TRAPPC9: variants seen among roughly 807,000 people sequenced by gnomAD.
TRAPPC9 encodes trafficking protein particle complex subunit 9.
Under a neutral mutation model 124.0 loss-of-function variants are expected in TRAPPC9, and 83 were observed. The ratio of observed to expected loss-of-function variants is 0.67; its 90% confidence interval spans 0.56 to 0.80. TRAPPC9 has a LOEUF of 0.80. Among genes scored for constraint, TRAPPC9 ranks in the 30% least tolerant of loss-of-function variants. The probability of loss-of-function intolerance (pLI) is 0.00; values close to 1 mark genes in which losing one functional copy is unlikely to be tolerated. For synonymous variants in TRAPPC9, 638 were observed against 617.5 expected (o/e 1.03, Z -0.49); for missense variants, 1,302 against 1,508.3 (o/e 0.86, Z 2.27).
At chr8:140,075,280 A>C (rs1843437853) in intron 17 of TRAPPC9, among the ~76,000 whole-genome samples, 1 of 152,230 alleles carries the variant, frequency 6.6e-6, no homozygotes, top group Admixed American at 6.5e-5. Flanking sequence ...TTCACAGAGA[A>C]ACTATGTTTT....
chr8:140,315,312 T>C (rs2066415252), intron 9 of TRAPPC9, among the ~76,000 whole-genome samples: 1 of 150,722 alleles, frequency 6.6e-6, no homozygotes, highest in Non-Finnish European at 1.5e-5. Context: ...AGTTTCTCTA[T>C]AAATTAATCA....
At chr8:140,190,510 G>A (rs2062466825) in intron 17 of TRAPPC9, among the ~76,000 whole-genome samples, 1 of 152,160 alleles carries the variant, frequency 6.6e-6, no homozygotes, top group African/African-American at 2.4e-5. Context: ...ATTAAGGGAT[G>A]AAGAGCAGTG....
chr8:140,390,515 C>A (rs1283658002), intron 7 of TRAPPC9, among the ~76,000 whole-genome samples: 15 of 152,074 alleles, frequency 9.9e-5, no homozygotes. Context: ...TTATTTTAGT[C>A]CTCTCCCTCT....
intron 16 of TRAPPC9, among the ~76,000 whole-genome samples, chr8:140,231,579 G>A (rs896481416): frequency 4.9e-5 from 6 of 123,062 alleles, no homozygotes; most frequent in South Asian, 2.9e-4. Flanking sequence ...TGCAATCTCC[G>A]CCTCCTGGGT....
intron 15 of TRAPPC9, among the ~76,000 whole-genome samples, chr8:140,253,884 C>G (rs2064186100): frequency 1.3e-5 from 2 of 152,110 alleles, no homozygotes. Context: ...CCCTTGGAGT[C>G]AAGGTTTCTT....
intron 17 of TRAPPC9, among the ~76,000 whole-genome samples, chr8:140,049,571 T>A (rs1237849225): frequency 6.6e-6 from 1 of 151,774 alleles, no homozygotes; most frequent in African/African-American, 2.4e-5. Context: ...ACCAAATTAT[T>A]TCCCTGGCAA....
intron 17 of TRAPPC9, among the ~76,000 whole-genome samples, chr8:140,158,734 C>G (rs550029045): frequency 1.3e-5 from 2 of 152,226 alleles, no homozygotes; most frequent in African/African-American, 2.4e-5. Context: ...CGGAGCCACC[C>G]AGACTCCCCT....
At chr8:139,936,579 C>T (rs1262676483) in intron 19 of TRAPPC9, among the ~76,000 whole-genome samples, 5 of 152,192 alleles carry the variant, frequency 3.3e-5, no homozygotes, top group South Asian at 2.1e-4. Flanking sequence ...CACCCCAGGA[C>T]GAGGACTGAG....
intron 17 of TRAPPC9, among the ~76,000 whole-genome samples, chr8:140,059,669 C>G (rs780339197): frequency 6.6e-6 from 1 of 152,172 alleles, no homozygotes; most frequent in Non-Finnish European, 1.5e-5. Flanking sequence ...CCCTGAAAAT[C>G]TGTGACATTG....
At chr8:140,034,587 G>C (rs1267026652) in intron 17 of TRAPPC9, among the ~76,000 whole-genome samples, 2 of 152,240 alleles carry the variant, frequency 1.3e-5, no homozygotes, top group Non-Finnish European at 2.9e-5. Flanking sequence ...GTGCCTTGAA[G>C]AGCAGGTGCC....
chr8:140,195,238 A>C (rs2062616449), intron 17 of TRAPPC9, among the ~76,000 whole-genome samples: 1 of 150,010 alleles, frequency 6.7e-6, no homozygotes, highest in Non-Finnish European at 1.5e-5. Context: ...TACAGATAAC[A>C]CCTGTGACAC....
intron 5 of TRAPPC9, among the ~76,000 whole-genome samples, chr8:140,422,879 T>G (rs2070271183): frequency 6.6e-6 from 1 of 151,758 alleles, no homozygotes; most frequent in Admixed American, 6.6e-5. Flanking sequence ...AATAATCACA[T>G]GAAGAGATGC....
intron 2 of TRAPPC9, among the ~76,000 whole-genome samples, chr8:140,447,909 C>A (rs1190363854): frequency 6.6e-6 from 1 of 152,132 alleles, no homozygotes; most frequent in East Asian, 1.9e-4. Context: ...CTTTGGGAGG[C>A]CGAGGCAGGT....
At chr8:139,827,697 C>G (rs1202538792) in intron 21 of TRAPPC9, among the ~76,000 whole-genome samples, 1 of 152,212 alleles carries the variant, frequency 6.6e-6, no homozygotes. Context: ...AGGACAGCAG[C>G]AAGAGGGAGG....
At chr8:140,185,967 G>C (rs188119443) in intron 17 of TRAPPC9, among the ~76,000 whole-genome samples, 1 of 152,178 alleles carries the variant, frequency 6.6e-6, no homozygotes, top group Non-Finnish European at 1.5e-5. Context: ...AAAAAGTCAA[G>C]GAGAAGGGGT....
chr8:140,385,855 A>C (rs914551571), intron 7 of TRAPPC9, among the ~76,000 whole-genome samples: 1 of 152,188 alleles, frequency 6.6e-6, no homozygotes, highest in Non-Finnish European at 1.5e-5. Flanking sequence ...CCTGGCAGAG[A>C]CACAACAAAA....
chr8:140,034,899 A>G (rs1840776540), intron 17 of TRAPPC9, among the ~76,000 whole-genome samples: 1 of 152,236 alleles, frequency 6.6e-6, no homozygotes, highest in Non-Finnish European at 1.5e-5. Flanking sequence ...AAAGAAGGAG[A>G]CTGTGAGCAG....
intron 19 of TRAPPC9, among the ~76,000 whole-genome samples, chr8:139,978,461 AAG>A (rs1283759645): frequency 6.6e-6 from 1 of 152,270 alleles, no homozygotes; most frequent in Non-Finnish European, 1.5e-5. Context: ...GACATTTAAA[AAG>A]AGTTACAGCA....
At chr8:140,000,585 C>T (rs1290478640) in intron 18 of TRAPPC9, among the ~76,000 whole-genome samples, 2 of 152,214 alleles carry the variant, frequency 1.3e-5, no homozygotes, top group Non-Finnish European at 2.9e-5. Flanking sequence ...TATGAACAGA[C>T]ACTTCTCAAA....
Sources: allele counts gnomAD v4.1 joint callset (sites outside exome capture counted in the v4.1 genomes callset), GRCh38; gene constraint gnomAD v4.1.1; transcripts MANE v1.5; gene names NCBI Gene and HGNC (gene_info 2026-07-23, HGNC 2026-07-21).